NRG3: variants seen among roughly 807,000 people sequenced by gnomAD.
The protein encoded by NRG3 is neuregulin 3, also known as pro-neuregulin-3, membrane-bound isoform.
A neutral mutation model predicts 66.9 loss-of-function variants in NRG3; 31 were observed. That is an observed-to-expected ratio of 0.46 (90% CI 0.35 to 0.63). NRG3 has a LOEUF of 0.63. Ranked by LOEUF, NRG3 falls within the 20% of genes least tolerant of loss-of-function variation. The pLI is 0.00. For missense variants in NRG3, 910 were observed against 878.9 expected (o/e 1.04, Z -0.45); for synonymous variants, 393 against 359.4 (o/e 1.09, Z -1.06).
At chr10:82,619,667 A>G (rs2048907515) in intron 2 of NRG3, among the ~76,000 whole-genome samples, 1 of 152,312 alleles carries the variant, frequency 6.6e-6, no homozygotes, top group South Asian at 2.1e-4. Flanking sequence ...AGTTGGAGAC[A>G]TATGTTTAAA....
chr10:82,867,107 T>C (rs2135958949), intron 4 of NRG3, among the ~76,000 whole-genome samples: 1 of 152,298 alleles, frequency 6.6e-6, no homozygotes, highest in East Asian at 1.9e-4. Flanking sequence ...GCCCACGTTA[T>C]TATAATGGCT....
At chr10:82,175,279 T>G (rs1354974690) in intron 1 of NRG3, among the ~76,000 whole-genome samples, 1 of 152,100 alleles carries the variant, frequency 6.6e-6, no homozygotes, top group Admixed American at 6.6e-5. Flanking sequence ...GCTAACAGAA[T>G]CATCATTCTG....
intron 1 of NRG3, among the ~76,000 whole-genome samples, chr10:81,949,544 G>A (rs761875550): frequency 6.6e-6 from 1 of 152,148 alleles, no homozygotes; most frequent in African/African-American, 2.4e-5. Flanking sequence ...TGATATGCCC[G>A]AGGGTTTAGG....
At chr10:82,199,171 G>A (rs1215541954) in intron 1 of NRG3, among the ~76,000 whole-genome samples, 8 of 115,544 alleles carry the variant, frequency 6.9e-5, no homozygotes, top group African/African-American at 2.4e-4. Context: ...GACTCTGTCC[G>A]GAAAAAAAAA....
chr10:82,359,940 A>C (rs2084020666), intron 2 of NRG3, among the ~76,000 whole-genome samples: 1 of 152,206 alleles, frequency 6.6e-6, no homozygotes, highest in African/African-American at 2.4e-5. Context: ...TTTAGTCCAC[A>C]GGGAAGATGT....
At chr10:82,031,462 A>G (rs1452020026) in intron 1 of NRG3, among the ~76,000 whole-genome samples, 1 of 152,110 alleles carries the variant, frequency 6.6e-6, no homozygotes, top group Non-Finnish European at 1.5e-5. Flanking sequence ...AAATTACTTG[A>G]TTATCCAAGT....
intron 6 of NRG3, among the ~76,000 whole-genome samples, chr10:82,969,989 C>A (rs1001986149): frequency 6.6e-6 from 1 of 152,068 alleles, no homozygotes; most frequent in Non-Finnish European, 1.5e-5. Flanking sequence ...TACGCTTTTG[C>A]GCCTTTTATT....
chr10:81,966,813 C>T (rs2059747106), intron 1 of NRG3, among the ~76,000 whole-genome samples: 1 of 151,998 alleles, frequency 6.6e-6, no homozygotes, highest in Admixed American at 6.6e-5. Context: ...GAAATTAGTC[C>T]TATCTTTTAG....
intron 1 of NRG3, among the ~76,000 whole-genome samples, chr10:82,194,278 C>T (rs747393059): frequency 1.3e-5 from 2 of 151,950 alleles, no homozygotes; most frequent in Non-Finnish European, 2.9e-5. Flanking sequence ...TTTTGGAGTG[C>T]TGTGACAAAG....
intron 1 of NRG3, among the ~76,000 whole-genome samples, chr10:82,150,526 C>CAAAAAAAA (rs2070637635): frequency 5.8e-5 from 1 of 17,150 alleles, no homozygotes; most frequent in Non-Finnish European, 1.8e-4. Context: ...AAAAAGAGCA[C>CAAAAAAAA]ACACAAAAAA....
At chr10:82,483,293 G>A (rs963035432) in intron 2 of NRG3, among the ~76,000 whole-genome samples, 1 of 152,190 alleles carries the variant, frequency 6.6e-6, no homozygotes, top group African/African-American at 2.4e-5. Flanking sequence ...TCAGGTGAGT[G>A]CAGTGGTGAC....
chr10:81,958,479 T>C (rs983053992), intron 1 of NRG3, among the ~76,000 whole-genome samples: 6 of 152,212 alleles, frequency 3.9e-5, no homozygotes, highest in Non-Finnish European at 7.3e-5. Flanking sequence ...AACTTGAAAC[T>C]GTCAAGGAAT....
chr10:81,892,279 G>A (rs1262076706), intron 1 of NRG3, among the ~76,000 whole-genome samples: 2 of 151,646 alleles, frequency 1.3e-5, no homozygotes, highest in African/African-American at 4.9e-5. Flanking sequence ...CATATATGTA[G>A]GGGTATATAT....
intron 2 of NRG3, among the ~76,000 whole-genome samples, chr10:82,498,743 A>T (rs183273167): frequency 2.6e-5 from 4 of 152,268 alleles, no homozygotes; most frequent in Admixed American, 1.3e-4. Context: ...AGTGGTTTAG[A>T]GAATTGCCTG....
At chr10:82,214,829 C>T (rs546003576) in intron 1 of NRG3, among the ~76,000 whole-genome samples, 6 of 152,232 alleles carry the variant, frequency 3.9e-5, no homozygotes, top group South Asian at 2.1e-4. Context: ...TTTTATTTCA[C>T]GGTGACTTCT....
intron 1 of NRG3, among the ~76,000 whole-genome samples, chr10:82,351,427 A>T (rs556657273): frequency 1.3e-5 from 2 of 152,326 alleles, no homozygotes; most frequent in Middle Eastern, 3.4e-3. Flanking sequence ...ATGTCAGAAG[A>T]AGGAGAGCCA....
At chr10:82,915,790 A>C (rs548423009) in intron 4 of NRG3, among the ~76,000 whole-genome samples, 1 of 152,322 alleles carries the variant, frequency 6.6e-6, no homozygotes, top group South Asian at 2.1e-4. Flanking sequence ...TACTCACTAA[A>C]CCTAAAAAAT....
intron 1 of NRG3, among the ~76,000 whole-genome samples, chr10:82,106,339 C>T (rs1021369316): frequency 6.6e-6 from 1 of 152,062 alleles, no homozygotes; most frequent in Non-Finnish European, 1.5e-5. Flanking sequence ...GAAGTTAGAC[C>T]CAGGAGGGTT....
chr10:81,883,435 C>T (rs1842352659), intron 1 of NRG3, among the ~76,000 whole-genome samples: 1 of 152,088 alleles, frequency 6.6e-6, no homozygotes, highest in South Asian at 2.1e-4. Flanking sequence ...AGGGATCAGT[C>T]AGAAGCAAAC....
Sources: gnomAD v4.1 joint callset for allele counts (sites outside exome capture counted in the v4.1 genomes callset) on GRCh38, gnomAD v4.1.1 for gene constraint, MANE v1.5 for transcripts, NCBI Gene and HGNC (gene_info 2026-07-23, HGNC 2026-07-21) for gene names.